Variants in TNRC6C observed in about 807,000 individuals in gnomAD.
TNRC6C encodes trinucleotide repeat-containing gene 6C protein.
In TNRC6C, 20 loss-of-function variants were observed where a neutral mutation model predicts 153.7. That is an observed-to-expected ratio of 0.13 (90% CI 0.09 to 0.19). The LOEUF (loss-of-function observed/expected upper bound fraction) is 0.19, where lower values mean the gene tolerates loss of function less well. TNRC6C is among the 10% of genes least tolerant of loss of function. The pLI, the probability that TNRC6C is intolerant of heterozygous loss-of-function variation, is 1.00. For missense variants in TNRC6C, 1,987 were observed against 2,172.0 expected (o/e 0.91, Z 1.69); for synonymous variants, 811 against 841.4 (o/e 0.96, Z 0.63).
At chr17:78,077,137 T>C in intron 8 of TNRC6C, 48 bp from the exon 11 acceptor site, 1 of 1,556,604 alleles carries the variant, frequency 6.4e-7, no homozygotes, top group African/African-American at 1.4e-5. Context: ...TGGTGCTTTG[T>C]CTGCTGATGG....
At chr17:78,050,625 A>G in exon 3 of TNRC6C, 1 of 1,571,596 alleles carries the variant, frequency 6.4e-7, no homozygotes, top group Non-Finnish European at 8.6e-7. Flanking sequence ...CAGCAAACAC[A>G]GGTTGGGGAG....
At chr17:78,036,664 C>T (rs1454826249) in intron 2 of TNRC6C, among the ~76,000 whole-genome samples, 1 of 152,068 alleles carries the variant, frequency 6.6e-6, no homozygotes, top group Non-Finnish European at 1.5e-5. Flanking sequence ...TGGCTCACAC[C>T]TGTAATCCCA....
chr17:78,021,012 G>A (rs2071821650), intron 1 of TNRC6C, among the ~76,000 whole-genome samples: 1 of 152,206 alleles, frequency 6.6e-6, no homozygotes, highest in Admixed American at 6.5e-5. Flanking sequence ...GTGCTCCAGT[G>A]CCTTCCTACG....
intron 3 of TNRC6C, among the ~76,000 whole-genome samples, chr17:78,064,338 C>G (rs1006573286): frequency 2.0e-5 from 3 of 152,086 alleles, no homozygotes; most frequent in African/African-American, 4.8e-5. Flanking sequence ...CTTAAGTAAT[C>G]CACCTGACTC....
chr17:78,025,657 T>C (rs1296343759), intron 1 of TNRC6C, among the ~76,000 whole-genome samples: 1 of 152,046 alleles, frequency 6.6e-6, no homozygotes, highest in Admixed American at 6.5e-5. Flanking sequence ...GGAAAATATA[T>C]ATATATTTAT....
At chr17:78,005,101 G>T in intron 1 of TNRC6C, 22 bp downstream of exon 3, 1 of 1,228,576 alleles carries the variant, frequency 8.1e-7, no homozygotes, top group Non-Finnish European at 1.0e-6. Flanking sequence ...TATATTTAGG[G>T]GGGTACATTT....
chr17:78,078,882 G>A (rs1251043199), intron 9 of TNRC6C, among the ~76,000 whole-genome samples: 1 of 152,116 alleles, frequency 6.6e-6, no homozygotes, highest in Non-Finnish European at 1.5e-5. Flanking sequence ...CACAAGGTCA[G>A]GAGTTCAAGA....
intron 1 of TNRC6C, among the ~76,000 whole-genome samples, chr17:78,007,828 C>G (rs1397308657): frequency 6.6e-6 from 1 of 152,114 alleles, no homozygotes. Flanking sequence ...CAAACTAGAC[C>G]AAATCAATTA....
intron 2 of TNRC6C, among the ~76,000 whole-genome samples, chr17:78,041,912 A>C (rs1035884522): frequency 6.6e-6 from 1 of 152,250 alleles, no homozygotes; most frequent in African/African-American, 2.4e-5. Flanking sequence ...TGTTAGTACC[A>C]GTACAGCATT....
At chr17:78,054,959 C>T (rs1341928986) in intron 3 of TNRC6C, among the ~76,000 whole-genome samples, 2 of 152,048 alleles carry the variant, frequency 1.3e-5, no homozygotes, top group Non-Finnish European at 2.9e-5. Flanking sequence ...CTACCATACA[C>T]CACTGCGGAC....
At chr17:78,025,830 C>G (rs1406822103) in intron 1 of TNRC6C, among the ~76,000 whole-genome samples, 4 of 152,074 alleles carry the variant, frequency 2.6e-5, no homozygotes, top group African/African-American at 9.7e-5. Flanking sequence ...GGAGCAGAGA[C>G]AGGCTGGACA....
chr17:77,962,610 C>T (rs1000779669), intron 1 of TNRC6C, among the ~76,000 whole-genome samples: 1 of 152,192 alleles, frequency 6.6e-6, no homozygotes, highest in African/African-American at 2.4e-5. Flanking sequence ...GAGGCGGAGT[C>T]CTGAACAGAC....
chr17:78,031,454 G>A (rs527959339), intron 1 of TNRC6C, 62 bp from the exon 4 acceptor site: 10 of 1,176,524 alleles, frequency 8.5e-6, no homozygotes, highest in Non-Finnish European at 9.6e-6. Flanking sequence ...TCCTTGGTTT[G>A]GGTTGGGTTT....
At chr17:78,036,255 C>T (rs1271095785) in intron 2 of TNRC6C, among the ~76,000 whole-genome samples, 2 of 152,074 alleles carry the variant, frequency 1.3e-5, no homozygotes, top group African/African-American at 2.4e-5. Flanking sequence ...GTGTGCTTAG[C>T]GAAAACTAAA....
At chr17:77,993,839 T>C (rs962259566) in intron 1 of TNRC6C, among the ~76,000 whole-genome samples, 2 of 152,184 alleles carry the variant, frequency 1.3e-5, no homozygotes, top group East Asian at 1.9e-4. Context: ...TCTTGGTACC[T>C]GTGGGGGTTG....
At chr17:78,041,906 A>G (rs1171655370) in intron 2 of TNRC6C, among the ~76,000 whole-genome samples, 1 of 152,254 alleles carries the variant, frequency 6.6e-6, no homozygotes, top group African/African-American at 2.4e-5. Context: ...TGTCAGTGTT[A>G]GTACCAGTAC....
exon 3 of TNRC6C, chr17:78,050,801 A>G: frequency 6.2e-7 from 1 of 1,612,098 alleles, no homozygotes; most frequent in South Asian, 1.1e-5. Context: ...CCCAAATCCC[A>G]ACACTGGGGA....
intron 2 of TNRC6C, among the ~76,000 whole-genome samples, chr17:78,044,584 A>G (rs566028072): frequency 1.3e-5 from 2 of 152,356 alleles, no homozygotes; most frequent in South Asian, 4.1e-4. Flanking sequence ...CAGTAGCTGC[A>G]TATAGGAGGC....
chr17:78,059,676 A>C (rs2072726989), intron 3 of TNRC6C, among the ~76,000 whole-genome samples: 1 of 151,902 alleles, frequency 6.6e-6, no homozygotes. Context: ...AGTGAGACCC[A>C]CGTCTCTACA....
Sources: gnomAD v4.1 joint callset for allele counts (sites outside exome capture counted in the v4.1 genomes callset) on GRCh38, gnomAD v4.1.1 for gene constraint, MANE v1.5 for transcripts, NCBI Gene and HGNC (gene_info 2026-07-23, HGNC 2026-07-21) for gene names.